AK3: variants seen among roughly 807,000 people sequenced by gnomAD.
AK3 encodes the protein adenylate kinase 3, also known as GTP:AMP phosphotransferase AK3, mitochondrial.
AK3 carries 27 observed loss-of-function variants against 23.7 expected under a neutral mutation model. The observed-to-expected ratio is 1.14, with a 90% CI of 0.84 to 1.57. AK3 has a LOEUF of 1.57. AK3 is among the 40% of genes most tolerant of loss of function. AK3 has a pLI of 0.00. For missense variants in AK3, 406 were observed against 285.6 expected (o/e 1.42, Z -3.04); for synonymous variants, 159 against 116.0 (o/e 1.37, Z -2.38).
At chr9:4,715,364 C>T (rs1262442947) in intron 4 of AK3, among the ~76,000 whole-genome samples, 2 of 151,060 alleles carry the variant, frequency 1.3e-5, no homozygotes, top group African/African-American at 2.4e-5. Context: ...ACTTCATCTT[C>T]GCAGCTTTCC....
At chr9:4,741,260 GC>G, upstream of AK3, 2 of 633,912 alleles carry the variant, frequency 3.2e-6, no homozygotes, top group Non-Finnish European at 4.7e-6. Flanking sequence ...CCCAGACAGC[GC>G]GGGACCCCGC....
intron 1 of AK3, among the ~76,000 whole-genome samples, chr9:4,735,478 ATTTTTT>A (rs201454793): frequency 1.9e-4 from 12 of 62,586 alleles, no homozygotes; most frequent in African/African-American, 3.9e-4. Flanking sequence ...ATATATATAT[ATTTTTT>A]TTTTTTTTTT....
chr9:4,716,099 T>C (rs1841718967), intron 4 of AK3, among the ~76,000 whole-genome samples: 1 of 152,212 alleles, frequency 6.6e-6, no homozygotes, highest in Admixed American at 6.5e-5. Context: ...CGCCTGATGA[T>C]AGGTGTTTTT....
At chr9:4,738,553 AC>A (rs201799612) in intron 1 of AK3, among the ~76,000 whole-genome samples, 2,709 of 152,058 alleles carry the variant, frequency 0.018, 84 homozygotes, top group African/African-American at 0.062. Context: ...TTAGAATATG[AC>A]AATTTTAGAA....
intron 1 of AK3, among the ~76,000 whole-genome samples, chr9:4,734,533 G>C (rs780344866): frequency 6.6e-6 from 1 of 152,140 alleles, no homozygotes; most frequent in African/African-American, 2.4e-5. Flanking sequence ...TGAAGAGATG[G>C]ATAGATGGAG....
intron 1 of AK3, among the ~76,000 whole-genome samples, chr9:4,734,645 G>C (rs1842228402): frequency 6.6e-6 from 1 of 152,126 alleles, no homozygotes; most frequent in African/African-American, 2.4e-5. Flanking sequence ...TACTTTCTTT[G>C]AGACAGTATT....
chr9:4,730,757 AGATT>A (rs1401074389), intron 1 of AK3, among the ~76,000 whole-genome samples: 1 of 152,354 alleles, frequency 6.6e-6, no homozygotes. Context: ...CATTGAGATT[AGATT>A]GATATCTTAA....
intron 1 of AK3, among the ~76,000 whole-genome samples, chr9:4,733,677 T>G (rs149259190): frequency 1.3e-5 from 2 of 152,278 alleles, no homozygotes; most frequent in East Asian, 3.9e-4. Context: ...TCACTCTGCT[T>G]CGGATAAATT....
chr9:4,715,869 C>A (rs760044410), intron 4 of AK3, among the ~76,000 whole-genome samples: 2 of 152,172 alleles, frequency 1.3e-5, no homozygotes, highest in Non-Finnish European at 2.9e-5. Context: ...CAAACTCAGT[C>A]GACGAGGTTC....
chr9:4,719,290 G>C lies in AK3; in HGVS notation c.289C>G (p.Pro97Ala), dbSNP rs1373425060. 7.2e-7 allele frequency: 1 copy of C among 1,381,412 alleles called. No individual in the cohort carries two copies. Among genetic ancestry groups the C allele is most frequent in the South Asian group, 1.1e-5 (1 of 88,208 alleles). The allele number at this position is 1,381,412 out of a possible 1,614,324, so 85.6% of individuals were successfully genotyped here. ...GCTCTATCTAGGGCTTCTGCCTGTG[G>C]AAGTGTCCTTGGAAAACCTTTATAA... The part of the protein sequence containing the change: ...WLLDGFPRTL[P>A]QAEALDRAYQ... Residue 97 changes from proline to alanine, a missense_variant, in exon 3 of 5, where the codon CCA (proline) becomes GCA (alanine). Physicochemically the swap from Pro to Ala is conservative, Grantham distance 27 (BLOSUM62 -1). Transcript: ENST00000381809.
chr9:4,714,076 A>ATATACACCTCCACATATACAGCTACACC (rs1841646214), intron 4 of AK3, among the ~76,000 whole-genome samples: 2 of 142,744 alleles, frequency 1.4e-5, no homozygotes, highest in African/African-American at 5.3e-5. Flanking sequence ...ACACCTACAC[A>ATATACACCTCCACATATACAGCTACACC]TATACACACC....
intron 1 of AK3, among the ~76,000 whole-genome samples, chr9:4,729,549 A>G (rs994969858): frequency 6.6e-5 from 10 of 152,104 alleles, no homozygotes; most frequent in Admixed American, 6.5e-4. Flanking sequence ...AAATAAAAAC[A>G]TATGGCCAGC....
At chr9:4,740,781 G>T (rs185585254) in intron 1 of AK3, among the ~76,000 whole-genome samples, 156 bp downstream of exon 1, 1 of 152,202 alleles carries the variant, frequency 6.6e-6, no homozygotes, top group East Asian at 1.9e-4. Flanking sequence ...AGGTTTTGGG[G>T]CGCAGTCGCT....
chr9:4,725,823 C>T (rs2039300), intron 1 of AK3, among the ~76,000 whole-genome samples: 69,718 of 151,996 alleles, frequency 0.46, 18,634 homozygotes, highest in East Asian at 0.74. Flanking sequence ...ACATGATCAA[C>T]GTCCTTAATC....
chr9:4,734,410 G>C (rs1000096916), intron 1 of AK3, among the ~76,000 whole-genome samples: 12 of 152,312 alleles, frequency 7.9e-5, no homozygotes, highest in African/African-American at 2.2e-4. Flanking sequence ...CCCACACTCT[G>C]TGAGCACCTA....
Position 4,711,317 on chromosome 9 carries a change from G to A in AK3, c.*1659C>T, listed in dbSNP as rs1164060110. On this transcript the variant is annotated 3_prime_UTR_variant, in exon 5 of 5. Coordinates refer to ENST00000381809, the MANE Select transcript of AK3 (RefSeq NM_016282.4). ...TTTATTCTGATAAAGACTAATATATGCTTGATAACCTAGTGATAATCCATA... is the reference window on the plus strand; with the variant it reads ...TTTATTCTGATAAAGACTAATATATACTTGATAACCTAGTGATAATCCATA... 1 of 152,548 alleles carries A rather than the reference G, an allele frequency of 6.6e-6. No homozygotes were observed. The highest frequency in any genetic ancestry group is 1.5e-5 in the Non-Finnish European group (1 of 68,030). The allele number at this position is 152,548 out of a possible 1,614,324, so 9.4% of individuals were successfully genotyped here. A position where few individuals can be genotyped will look rare whatever the true frequency, so the allele number is the denominator to read the frequency against.
At position 4,709,594 on chromosome 9, in the gene AK3, T is replaced by C. The variant is rs1841496596; in HGVS notation, c.*3382A>G. On this transcript the variant is annotated 3_prime_UTR_variant, in exon 5 of 5. Coordinates refer to ENST00000381809, the MANE Select transcript of AK3 (RefSeq NM_016282.4). ...ATGACAGTTTATTCAGTGCTATATA[T>C]GGAAAAATCAGTGTTTATATTATTT... The C allele has an allele frequency of 6.6e-6, 1 of 152,152 alleles. No individual in the cohort carries two copies. Among genetic ancestry groups the C allele is most frequent in the Non-Finnish European group, 1.5e-5 (1 of 68,020 alleles). The allele number at this position is 152,152 out of a possible 1,614,324, so 9.4% of individuals were successfully genotyped here.
At chr9:4,741,335 C>A, upstream of AK3, 1 of 346,710 alleles carries the variant, frequency 2.9e-6, no homozygotes, top group Non-Finnish European at 5.1e-6. Flanking sequence ...CCTGTTCCCG[C>A]CCAGCCGCGC....
At chr9:4,715,017 A>C (rs1169857180) in intron 4 of AK3, among the ~76,000 whole-genome samples, 1 of 152,006 alleles carries the variant, frequency 6.6e-6, no homozygotes, top group African/African-American at 2.4e-5. Flanking sequence ...TCAGGAGTTC[A>C]AGACCAGCCT....
Sources: gnomAD v4.1 joint callset for allele counts (sites outside exome capture counted in the v4.1 genomes callset) on GRCh38, gnomAD v4.1.1 for gene constraint, MANE v1.5 for transcripts, NCBI Gene and HGNC (gene_info 2026-07-23, HGNC 2026-07-21) for gene names.